ACTR3C: variants seen among roughly 807,000 people sequenced by gnomAD.
The protein encoded by ACTR3C is actin related protein 3C, also known as actin-related protein 3C.
In ACTR3C, 18 loss-of-function variants were observed where a neutral mutation model predicts 26.3. The observed-to-expected ratio is 0.68, with a 90% confidence interval of 0.47 to 1.01. ACTR3C has a LOEUF of 1.01. ACTR3C is among the 50% of genes least tolerant of loss of function. The probability of loss-of-function intolerance (pLI) is 0.00; values close to 1 mark genes in which losing one functional copy is unlikely to be tolerated. For missense variants in ACTR3C, 184 were observed against 250.7 expected (o/e 0.73, Z 1.80); for synonymous variants, 55 against 94.5 (o/e 0.58, Z 2.42).
chr7:150,112,020 G>A, the ACTR3C span, among the ~76,000 whole-genome samples: 3 of 151,000 alleles, frequency 2.0e-5, no homozygotes, highest in African/African-American at 7.3e-5. Context: ...CTGCATTTCC[G>A]GGATTCATTT....
the ACTR3C span, among the ~76,000 whole-genome samples, chr7:150,193,408 C>CTTTT: frequency 1.5e-5 from 2 of 133,466 alleles, no homozygotes; most frequent in African/African-American, 5.5e-5. Flanking sequence ...TTTTTATTTT[C>CTTTT]TTTTTTTTTT....
chr7:149,975,615 G>A, the ACTR3C span, among the ~76,000 whole-genome samples: 1 of 152,132 alleles, frequency 6.6e-6, no homozygotes, highest in Admixed American at 6.5e-5. Context: ...GGATTAGTCC[G>A]TTCTCATGCT....
intron 1 of ACTR3C, among the ~76,000 whole-genome samples, chr7:150,322,482 C>T (rs1797632390): frequency 6.6e-6 from 1 of 152,210 alleles, no homozygotes; most frequent in Admixed American, 6.5e-5. Context: ...CTAAAAGACA[C>T]TCCCACCAGC....
the ACTR3C span, among the ~76,000 whole-genome samples, chr7:149,984,163 T>A: frequency 2.0e-5 from 3 of 152,064 alleles, no homozygotes; most frequent in Non-Finnish European, 4.4e-5. Context: ...TTAGTTATGT[T>A]TTTTTCCCTG....
chr7:150,301,654 C>A (rs905936792), intron 1 of ACTR3C, among the ~76,000 whole-genome samples: 19 of 151,816 alleles, frequency 1.3e-4, no homozygotes, highest in South Asian at 2.1e-4. Flanking sequence ...AGAGAATAAG[C>A]AGAATGTGGT....
At chr7:150,224,995 AC>A in the ACTR3C span, among the ~76,000 whole-genome samples, 1 of 144,682 alleles carries the variant, frequency 6.9e-6, no homozygotes, top group Non-Finnish European at 1.5e-5. Context: ...CTTTGGCCAC[AC>A]CCCCATTAGT....
At chr7:150,009,355 G>A in the ACTR3C span, among the ~76,000 whole-genome samples, 1 of 152,240 alleles carries the variant, frequency 6.6e-6, no homozygotes, top group South Asian at 2.1e-4. Flanking sequence ...ACCAGGCTCT[G>A]CAGCAGGTCT....
intron 3 of ACTR3C, 39 bp downstream of exon 3, chr7:150,293,273 T>G: frequency 4.6e-6 from 7 of 1,535,020 alleles, no homozygotes; most frequent in Non-Finnish European, 6.1e-6. Context: ...AATCAGGTGT[T>G]AAGCCTACAG....
At chr7:150,059,276 C>T in the ACTR3C span, among the ~76,000 whole-genome samples, 1 of 152,200 alleles carries the variant, frequency 6.6e-6, no homozygotes, top group Non-Finnish European at 1.5e-5. Flanking sequence ...GAGGGGAAAC[C>T]TCAAAACTTC....
At chr7:150,303,450 T>C (rs1795587120) in intron 1 of ACTR3C, among the ~76,000 whole-genome samples, 1 of 152,248 alleles carries the variant, frequency 6.6e-6, no homozygotes, top group South Asian at 2.1e-4. Flanking sequence ...CTTAACTTTT[T>C]TAAACTACTG....
the ACTR3C span, among the ~76,000 whole-genome samples, chr7:150,226,403 T>C: frequency 1.8e-4 from 28 of 152,262 alleles, no homozygotes; most frequent in Middle Eastern, 6.8e-3. Flanking sequence ...TTCTAAATAG[T>C]GTGTAATAGT....
the ACTR3C span, among the ~76,000 whole-genome samples, chr7:149,908,108 GC>G: frequency 6.6e-6 from 1 of 151,952 alleles, no homozygotes; most frequent in Admixed American, 6.6e-5. Flanking sequence ...GAGGTCCCCA[GC>G]AACCCCACAC....
the ACTR3C span, among the ~76,000 whole-genome samples, chr7:150,094,681 A>C: frequency 6.6e-6 from 1 of 150,484 alleles, no homozygotes; most frequent in South Asian, 2.1e-4. Flanking sequence ...AGACTCCAGA[A>C]GCTTCAGCCC....
At chr7:150,226,306 A>T in the ACTR3C span, among the ~76,000 whole-genome samples, 3 of 147,836 alleles carry the variant, frequency 2.0e-5, no homozygotes, top group East Asian at 5.8e-4. Flanking sequence ...GTCATTTCGC[A>T]TTCCCATAAA....
chr7:150,211,717 T>G, the ACTR3C span, among the ~76,000 whole-genome samples: 1 of 151,394 alleles, frequency 6.6e-6, no homozygotes, highest in Non-Finnish European at 1.5e-5. Context: ...ACATAACAGG[T>G]GCCCCACTCA....
the ACTR3C span, among the ~76,000 whole-genome samples, chr7:150,163,446 A>C: frequency 1.5e-3 from 222 of 151,388 alleles, no homozygotes; most frequent in Middle Eastern, 3.5e-3. Context: ...ACATATATAT[A>C]CTTATCTGTT....
the ACTR3C span, among the ~76,000 whole-genome samples, chr7:149,907,478 TTCTCTC>T: frequency 0.01 from 1,007 of 97,684 alleles, 16 homozygotes; most frequent in African/African-American, 0.032. Flanking sequence ...CTCTCTTCTC[TTCTCTC>T]TCTCTCTCTC....
chr7:150,090,589 C>G, the ACTR3C span, among the ~76,000 whole-genome samples: 18 of 151,278 alleles, frequency 1.2e-4, no homozygotes, highest in Admixed American at 9.9e-4. Flanking sequence ...CAAATACTTA[C>G]AAACCTTCAA....
At chr7:150,178,167 G>A in the ACTR3C span, among the ~76,000 whole-genome samples, 1 of 150,430 alleles carries the variant, frequency 6.6e-6, no homozygotes, top group Non-Finnish European at 1.5e-5. Context: ...TTTCTGAAAG[G>A]CTGCTCCACT....
Sources: allele counts gnomAD v4.1 joint callset (sites outside exome capture counted in the v4.1 genomes callset), GRCh38; gene constraint gnomAD v4.1.1; transcripts MANE v1.5; gene names NCBI Gene and HGNC (gene_info 2026-07-23, HGNC 2026-07-21).